The following RAB3GAP1 variants were observed in gnomAD, a reference collection of about 807,000 sequenced individuals.
RAB3GAP1 encodes the protein RAB3 GTPase activating protein catalytic subunit 1.
Under a neutral mutation model 130.7 loss-of-function variants are expected in RAB3GAP1, and 86 were observed. That is an observed-to-expected ratio of 0.66 (90% confidence interval 0.55 to 0.79). The LOEUF (loss-of-function observed/expected upper bound fraction) is 0.79, where lower values mean the gene tolerates loss of function less well. Among genes scored for constraint, RAB3GAP1 ranks in the 30% least tolerant of loss-of-function variants. The probability of loss-of-function intolerance (pLI) is 0.00; values close to 1 mark genes in which losing one functional copy is unlikely to be tolerated. For synonymous variants in RAB3GAP1, 367 were observed against 401.7 expected (o/e 0.91, Z 1.03); for missense variants, 1,029 against 1,169.4 (o/e 0.88, Z 1.75).
chr2:135,170,109 C>CT lies in RAB3GAP1; in HGVS notation c.*1329dup. The CT allele has an allele frequency of 5.8e-6, 1 of 171,768 alleles. No individual in the cohort carries two copies. The highest frequency in any genetic ancestry group is 1.7e-4 in the East Asian group (1 of 5,784). The allele number at this position is 171,768 out of a possible 1,614,324, so 10.6% of individuals were successfully genotyped here. ...CTTTATGATGCTTTTCTCTATGCTG[C>CT]TGGACTTCATTCTTACTGGTCCACG... On this transcript the variant is annotated 3_prime_UTR_variant, in exon 24 of 24. Transcript: ENST00000264158.
intron 3 of RAB3GAP1, among the ~76,000 whole-genome samples, chr2:135,088,097 T>A (rs1690038574): frequency 6.6e-6 from 1 of 152,184 alleles, no homozygotes; most frequent in Non-Finnish European, 1.5e-5. Context: ...TCTAGATAGT[T>A]GTTGGTTAAG....
chr2:135,093,697 G>A lies in RAB3GAP1; in HGVS notation c.362+4G>A, dbSNP rs1192927012. ...GAGCACATTGCCTGGTAAGATGGTA[G>A]GTATATCTTTTACTCAGTATCTTTT... is the stretch of plus-strand genomic sequence containing the variant. On this transcript the variant is annotated splice_donor_region_variant and intron_variant, in intron 5 of 23. Coordinates refer to ENST00000264158, the MANE Select transcript of RAB3GAP1 (RefSeq NM_012233.3). The A allele has an allele frequency of 6.2e-7, 1 of 1,602,152 alleles. No individual in the cohort carries two copies. Among genetic ancestry groups the A allele is most frequent in the Admixed American group, 1.7e-5 (1 of 59,988 alleles).
chr2:135,152,591 C>G (rs980563144), intron 18 of RAB3GAP1, among the ~76,000 whole-genome samples: 1 of 152,176 alleles, frequency 6.6e-6, no homozygotes, highest in Non-Finnish European at 1.5e-5. Flanking sequence ...TCTTGACCCA[C>G]TGCTTTTGCC....
intron 2 of RAB3GAP1, among the ~76,000 whole-genome samples, chr2:135,055,200 T>C (rs1207686578): frequency 6.6e-6 from 1 of 152,168 alleles, no homozygotes; most frequent in Non-Finnish European, 1.5e-5. Flanking sequence ...AACCTGGTCT[T>C]ATAAGAGCCT....
At chr2:135,085,350 T>A (rs1210821243) in intron 3 of RAB3GAP1, among the ~76,000 whole-genome samples, 4 of 152,132 alleles carry the variant, frequency 2.6e-5, no homozygotes, top group Non-Finnish European at 5.9e-5. Flanking sequence ...CTGATAGAGG[T>A]CACTGTTACA....
intron 3 of RAB3GAP1, among the ~76,000 whole-genome samples, chr2:135,074,435 C>T (rs1689564865): frequency 6.6e-6 from 1 of 152,120 alleles, no homozygotes. Context: ...TCATTCATTG[C>T]CAGAGGAATA....
intron 23 of RAB3GAP1, 61 bp downstream of exon 23, chr2:135,164,757 CTGTT>C: frequency 2.2e-6 from 3 of 1,349,906 alleles, no homozygotes; most frequent in Non-Finnish European, 3.1e-6. Flanking sequence ...TGGGAAGAGG[CTGTT>C]TTAGTTCCCA....
chr2:135,142,070 TAAAC>T (rs1393773786), intron 17 of RAB3GAP1, among the ~76,000 whole-genome samples: 2 of 152,218 alleles, frequency 1.3e-5, no homozygotes. Context: ...TTAATTTTTA[TAAAC>T]AAACACATAT....
At chr2:135,120,998 C>T in intron 8 of RAB3GAP1, 80 bp downstream of exon 8, 1 of 1,003,880 alleles carries the variant, frequency 1.0e-6, no homozygotes, top group South Asian at 1.3e-5. Context: ...AATTACTTAA[C>T]AAGAGTTTCA....
At chr2:135,128,088 A>G (rs1691410919) in intron 11 of RAB3GAP1, among the ~76,000 whole-genome samples, 1 of 152,190 alleles carries the variant, frequency 6.6e-6, no homozygotes, top group South Asian at 2.1e-4. Flanking sequence ...TCTCTAAAGC[A>G]TTGTTTTCTT....
intron 3 of RAB3GAP1, among the ~76,000 whole-genome samples, chr2:135,060,917 T>C (rs115227414): frequency 0.052 from 7,840 of 151,530 alleles, 272 homozygotes; most frequent in Middle Eastern, 0.12. Context: ...TTGGCCAGGC[T>C]GGTCTCCAAT....
intron 3 of RAB3GAP1, among the ~76,000 whole-genome samples, chr2:135,081,369 C>CGT (rs1176864961): frequency 1.3e-4 from 11 of 85,630 alleles, no homozygotes; most frequent in East Asian, 3.6e-4. Flanking sequence ...TATACACACA[C>CGT]GTGTGTGTGT....
chr2:135,175,972 A>G (rs1435541987), intron 24 of RAB3GAP1, among the ~76,000 whole-genome samples: 2 of 152,202 alleles, frequency 1.3e-5, no homozygotes, highest in African/African-American at 4.8e-5. Context: ...GTAACATACC[A>G]TTGTTCTTGT....
intron 17 of RAB3GAP1, among the ~76,000 whole-genome samples, chr2:135,146,781 T>G (rs1444284907): frequency 6.6e-6 from 1 of 152,194 alleles, no homozygotes; most frequent in East Asian, 1.9e-4. Context: ...TATCTTGAGA[T>G]TCACACGTAT....
At chr2:135,160,674 CAAAAAAAA>C (rs59034119) in intron 19 of RAB3GAP1, among the ~76,000 whole-genome samples, 1 of 33,870 alleles carries the variant, frequency 3.0e-5, no homozygotes, top group African/African-American at 7.8e-5. Context: ...GACCCTGTCT[CAAAAAAAA>C]AAAAAAAAAA....
intron 8 of RAB3GAP1, among the ~76,000 whole-genome samples, chr2:135,121,893 G>A (rs1328393168): frequency 2.0e-5 from 3 of 151,968 alleles, no homozygotes; most frequent in African/African-American, 4.8e-5. Flanking sequence ...GGGAGTTCAC[G>A]ACCAACCTGG....
intron 3 of RAB3GAP1, among the ~76,000 whole-genome samples, chr2:135,062,100 A>C (rs1689189288): frequency 6.6e-6 from 1 of 151,828 alleles, no homozygotes; most frequent in Non-Finnish European, 1.5e-5. Flanking sequence ...GGCTCACTGC[A>C]GCCTCCTGCC....
At chr2:135,117,606 G>GCTTCTTCTTCTTCTTCTT (rs1380774068) in intron 7 of RAB3GAP1, among the ~76,000 whole-genome samples, 1 of 17,824 alleles carries the variant, frequency 5.6e-5, no homozygotes, top group Non-Finnish European at 1.3e-4. Flanking sequence ...TGCTTCTTCT[G>GCTTCTTCTTCTTCTTCTT]CTTCTTCTGC....
intron 17 of RAB3GAP1, among the ~76,000 whole-genome samples, chr2:135,144,484 T>C (rs1331149875): frequency 6.6e-6 from 1 of 151,968 alleles, no homozygotes; most frequent in Non-Finnish European, 1.5e-5. Flanking sequence ...GAAGGATAGG[T>C]GTATGTAAAT....
Sources: gnomAD v4.1 joint callset for allele counts (sites outside exome capture counted in the v4.1 genomes callset) on GRCh38, gnomAD v4.1.1 for gene constraint, MANE v1.5 for transcripts, NCBI Gene and HGNC (gene_info 2026-07-23, HGNC 2026-07-21) for gene names.